FAM171A1: variants seen among roughly 807,000 people sequenced by gnomAD.
The protein encoded by FAM171A1 is protein FAM171A1.
FAM171A1 carries 23 observed loss-of-function variants against 74.9 expected under a neutral mutation model. That is an observed-to-expected ratio of 0.31 (90% CI 0.22 to 0.44). The LOEUF is 0.44. Among genes scored for constraint, FAM171A1 ranks in the 20% least tolerant of loss-of-function variants. The pLI is 1.00. For missense variants in FAM171A1, 1,162 were observed against 1,159.2 expected (o/e 1.00, Z -0.03); for synonymous variants, 527 against 505.7 (o/e 1.04, Z -0.57).
At chr10:15,335,426 T>C (rs373123457) in intron 1 of FAM171A1, among the ~76,000 whole-genome samples, 2 of 152,226 alleles carry the variant, frequency 1.3e-5, no homozygotes, top group East Asian at 3.8e-4. Flanking sequence ...AATGCTGCTT[T>C]CAAAAATCTG....
chr10:15,238,746 G>T (rs45541233), intron 5 of FAM171A1, among the ~76,000 whole-genome samples: 91 of 152,314 alleles, frequency 6.0e-4, no homozygotes, highest in Middle Eastern at 3.4e-3. Flanking sequence ...TGCATCGTAC[G>T]TGGTAAGAGG....
intron 1 of FAM171A1, among the ~76,000 whole-genome samples, chr10:15,344,046 T>A (rs1835793924): frequency 6.6e-6 from 1 of 152,218 alleles, no homozygotes; most frequent in South Asian, 2.1e-4. Context: ...GGTTGTCATT[T>A]GTGATCTCAT....
intron 5 of FAM171A1, among the ~76,000 whole-genome samples, chr10:15,222,369 T>A (rs991313989): frequency 1.3e-5 from 2 of 152,168 alleles, no homozygotes; most frequent in Non-Finnish European, 2.9e-5. Flanking sequence ...CCTACACACC[T>A]GGGCCACACG....
intron 3 of FAM171A1, among the ~76,000 whole-genome samples, chr10:15,261,547 A>C (rs1397518267): frequency 6.6e-6 from 1 of 152,210 alleles, no homozygotes; most frequent in Admixed American, 6.5e-5. Flanking sequence ...CTTGATTATC[A>C]TAGTGTTTTA....
chr10:15,362,817 G>A (rs1032205157), intron 1 of FAM171A1, among the ~76,000 whole-genome samples: 11 of 152,318 alleles, frequency 7.2e-5, no homozygotes, highest in African/African-American at 2.4e-4. Context: ...TGAATCAAGA[G>A]ACTCATGCCT....
At chr10:15,373,844 G>A (rs1465354063), upstream of FAM171A1, among the ~76,000 whole-genome samples, 4 of 152,312 alleles carry the variant, frequency 2.6e-5, no homozygotes, top group East Asian at 5.8e-4. Flanking sequence ...CAGGGTGGAA[G>A]AAATCTTAAT....
chr10:15,213,917 G>T lies in FAM171A1; in HGVS notation c.1671C>A (p.Pro557=). The change falls in exon 8 of 8, where the codon CCC becomes CCA. Residue 557 remains proline, a synonymous_variant. Coordinates refer to ENST00000378116, the MANE Select transcript of FAM171A1 (RefSeq NM_001010924.2). This position sits in a 1 kb window ranked among gnomAD's most constrained non-coding sequence, Gnocchi z 6.8. The part of the protein sequence containing the change: ...HLERPTSFPR[P]GQLICCSSVD... ...CAGAACTGCAGCAGATTAACTGGCC[G>T]GGCCGTGGGAAGGACGTAGGTCTCT... The T allele has an allele frequency of 6.2e-7, 1 of 1,614,164 alleles. No homozygotes were observed. Among genetic ancestry groups the T allele is most frequent in the Non-Finnish European group, 8.5e-7 (1 of 1,180,040 alleles).
At chr10:15,262,352 C>T (rs966605389) in intron 3 of FAM171A1, among the ~76,000 whole-genome samples, 10 of 152,060 alleles carry the variant, frequency 6.6e-5, no homozygotes, top group African/African-American at 1.4e-4. Flanking sequence ...GGGGTCCTCA[C>T]AGAAAAGGCA....
At chr10:15,320,803 CATA>C (rs1434680002) in intron 1 of FAM171A1, among the ~76,000 whole-genome samples, 2 of 152,214 alleles carry the variant, frequency 1.3e-5, no homozygotes, top group African/African-American at 4.8e-5. Context: ...TAAGTTTGCA[CATA>C]ATAACTTTCA....
At position 15,371,159 on chromosome 10, in the gene FAM171A1, G is replaced by A; in HGVS notation, c.-107C>T. On this transcript the variant is annotated 5_prime_UTR_variant, in exon 1 of 8. Transcript: ENST00000378116. ...CCCCCCTCCATGTCGCTGGCTCCGC[G>A]CGCCGGGCCCGCCGCCCGATTGGCC... 3.4e-6 allele frequency: 1 copy of A among 290,626 alleles called. No homozygotes were observed. The highest frequency in any genetic ancestry group is 1.9e-3 in the Middle Eastern group (1 of 538). 18.0% of individuals were successfully genotyped at this position (290,626 alleles called of 1,614,324 possible).
chr10:15,219,860 G>C (rs1201845268), intron 6 of FAM171A1, among the ~76,000 whole-genome samples: 1 of 152,190 alleles, frequency 6.6e-6, no homozygotes, highest in African/African-American at 2.4e-5. Flanking sequence ...GATTACAGGC[G>C]TGAGCCACCG....
At position 15,218,771 on chromosome 10, in the gene FAM171A1, A is replaced by T. The variant is rs113889298; in HGVS notation, c.871+2173T>A. 3.1e-3 allele frequency among the ~76,000 whole-genome samples: 473 copies of T among 152,002 alleles called. 2 individuals carry two copies. Among genetic ancestry groups the T allele is most frequent in the African/African-American group, 0.01 (425 of 41,452 alleles). ...TACCATCACTGGCTAATTAAAAAAA[A>T]TTTTTTTAGAAGTGGGGTCTTGCTG... On this transcript the variant is annotated intron_variant, in intron 6 of 7. Coordinates refer to ENST00000378116, the MANE Select transcript of FAM171A1 (RefSeq NM_001010924.2).
chr10:15,263,733 A>ATCTATCTATCTATCTG (rs1357362936), intron 3 of FAM171A1, among the ~76,000 whole-genome samples: 1,941 of 131,722 alleles, frequency 0.015, 35 homozygotes, highest in Non-Finnish European at 0.02. Context: ...CTATCTATCT[A>ATCTATCTATCTATCTG]TCTGTCTGTC....
At chr10:15,218,422 T>C (rs1833994809) in intron 6 of FAM171A1, among the ~76,000 whole-genome samples, 2 of 152,182 alleles carry the variant, frequency 1.3e-5, no homozygotes, top group South Asian at 4.1e-4. Flanking sequence ...CTTTATAAAA[T>C]TCACAGCTAT....
At position 15,216,019 on chromosome 10, in the gene FAM171A1, C is replaced by T. The variant is rs1833962374; in HGVS notation, c.963G>A (p.Leu321=). The T allele has an allele frequency of 6.2e-7, 1 of 1,608,312 alleles. No individual in the cohort carries two copies. The highest frequency in any genetic ancestry group is 8.5e-7 in the Non-Finnish European group (1 of 1,178,850). Residue 321 remains leucine, a synonymous_variant, in exon 7 of 8, where the codon CTG becomes CTA. Transcript: ENST00000378116. The part of the protein sequence containing the change: ...GGMAFILLVL[L]CLLLYYCRRK... ...ACCTGCAATAATATAAAAGGAGACA[C>T]AGCAAAACCAAAAGTATGAAAGCCA... is the stretch of plus-strand genomic sequence containing the variant.
intron 5 of FAM171A1, among the ~76,000 whole-genome samples, chr10:15,231,629 G>A (rs138226806): frequency 0.026 from 3,891 of 151,960 alleles, 67 homozygotes; most frequent in Admixed American, 0.032. Context: ...GTCAGGCAGA[G>A]TTGCCACACC....
intron 1 of FAM171A1, among the ~76,000 whole-genome samples, chr10:15,316,378 C>A (rs552722958): frequency 6.6e-6 from 1 of 152,170 alleles, no homozygotes; most frequent in Non-Finnish European, 1.5e-5. Context: ...ATTCCTGCTG[C>A]GTGTGTTTGT....
At chr10:15,268,958 C>T (rs1834784924) in intron 3 of FAM171A1, among the ~76,000 whole-genome samples, 1 of 152,208 alleles carries the variant, frequency 6.6e-6, no homozygotes, top group Admixed American at 6.6e-5. Context: ...ATGAAAATCA[C>T]TTGGACCTGG....
At chr10:15,323,532 T>C (rs1835513293) in intron 1 of FAM171A1, among the ~76,000 whole-genome samples, 1 of 152,180 alleles carries the variant, frequency 6.6e-6, no homozygotes, top group Non-Finnish European at 1.5e-5. Context: ...GGTATCATCA[T>C]ACGATCAGTA....
Sources: allele counts gnomAD v4.1 joint callset (sites outside exome capture counted in the v4.1 genomes callset), GRCh38; gene constraint gnomAD v4.1.1; non-coding constraint Gnocchi (gnomAD v3.1); transcripts MANE v1.5; gene names NCBI Gene and HGNC (gene_info 2026-07-23, HGNC 2026-07-21).